Variants in NAALADL2 observed in about 807,000 individuals in gnomAD.
The protein encoded by NAALADL2 is inactive N-acetylated-alpha-linked acidic dipeptidase-like protein 2.
In NAALADL2, 76 loss-of-function variants were observed where a neutral mutation model predicts 87.2. The ratio of observed to expected loss-of-function variants is 0.87; its 90% confidence interval spans 0.72 to 1.05. The LOEUF is 1.05. Ranked by LOEUF, NAALADL2 falls within the 50% of genes least tolerant of loss-of-function variation. The probability of loss-of-function intolerance (pLI) is 0.00; values close to 1 mark genes in which losing one functional copy is unlikely to be tolerated. For synonymous variants in NAALADL2, 354 were observed against 331.0 expected, an observed-to-expected ratio of 1.07 and a Z score of -0.75; for missense variants, 1,089 against 945.8, an observed-to-expected ratio of 1.15 and a Z score of -1.99.
intron 10 of NAALADL2, among the ~76,000 whole-genome samples, chr3:175,626,436 A>C (rs1211056360): frequency 6.6e-6 from 1 of 151,830 alleles, no homozygotes; most frequent in African/African-American, 2.4e-5. Context: ...AGATAATCTT[A>C]ATTTCTAGAA....
intron 2 of NAALADL2, among the ~76,000 whole-genome samples, chr3:174,589,405 A>G (rs1717112049): frequency 6.6e-6 from 1 of 151,986 alleles, no homozygotes; most frequent in Admixed American, 6.5e-5. Context: ...AGTGAGACCA[A>G]CCCGGTACCT....
chr3:175,239,086 T>A (rs1354726958), intron 3 of NAALADL2, among the ~76,000 whole-genome samples: 1 of 152,204 alleles, frequency 6.6e-6, no homozygotes. Flanking sequence ...TTCAAAAACC[T>A]ACTTAGTGCC....
At chr3:175,132,939 CCAGA>C (rs1038490570) in intron 2 of NAALADL2, among the ~76,000 whole-genome samples, 153 of 151,194 alleles carry the variant, frequency 1.0e-3, no homozygotes, top group African/African-American at 3.6e-3. Flanking sequence ...GGGGCGGTTG[CCAGA>C]CAGAGGGTCT....
chr3:175,149,684 G>A (rs1181735575), intron 2 of NAALADL2, among the ~76,000 whole-genome samples: 2 of 152,118 alleles, frequency 1.3e-5, no homozygotes, highest in African/African-American at 4.8e-5. Context: ...AAATTTTAGA[G>A]TTTTTGTTCC....
intron 3 of NAALADL2, among the ~76,000 whole-genome samples, chr3:174,819,491 TGGACTCGAGGTCTGACTTCTCATACAC>T (rs1416781343): frequency 1.6e-4 from 25 of 152,220 alleles, no homozygotes; most frequent in South Asian, 4.2e-4. Flanking sequence ...GAGTCATACA[TGGACTCGAGGTCTGACTTCTCATACAC>T]GGACTCGAGG....
chr3:175,381,182 T>A (rs1355629809), intron 5 of NAALADL2, among the ~76,000 whole-genome samples: 1 of 151,798 alleles, frequency 6.6e-6, no homozygotes, highest in African/African-American at 2.4e-5. Flanking sequence ...ACAGTTATTA[T>A]GGCTGAATAA....
chr3:174,451,953 G>C (rs562382361), intron 1 of NAALADL2, among the ~76,000 whole-genome samples: 3 of 141,796 alleles, frequency 2.1e-5, no homozygotes, highest in Non-Finnish European at 4.5e-5. Context: ...AGAGATTCTC[G>C]TGCCTCAGCC....
At position 175,803,173 on chromosome 3, in the gene NAALADL2, G is replaced by C; in HGVS notation, c.2358G>C (p.Val786=). The C allele has an allele frequency of 6.2e-7, 1 of 1,610,048 alleles. No individual in the cohort carries two copies. The highest frequency in any genetic ancestry group is 8.5e-7 in the Non-Finnish European group (1 of 1,178,008). The change falls in exon 14 of 14, where the codon GTG becomes GTC. Residue 786 remains valine, a synonymous_variant. Transcript: ENST00000454872. ...AQVYFKAGLD[V]FKSVLDGKN is the part of the protein sequence containing the mutation. ...TTTACTTCAAAGCAGGACTTGATGTGTTCAAGAGTGTCTTGGATGGGAAGA... is the reference window on the plus strand; with the variant it reads ...TTTACTTCAAAGCAGGACTTGATGTCTTCAAGAGTGTCTTGGATGGGAAGA...
intron 11 of NAALADL2, among the ~76,000 whole-genome samples, chr3:175,639,423 C>T (rs552622969): frequency 2.2e-4 from 32 of 148,576 alleles, no homozygotes; most frequent in Non-Finnish European, 2.5e-4. Flanking sequence ...CGGGTTCACA[C>T]CATTCTCCTG....
intron 1 of NAALADL2, among the ~76,000 whole-genome samples, chr3:174,961,070 G>A (rs1167449932): frequency 4.7e-5 from 7 of 147,506 alleles, no homozygotes; most frequent in Non-Finnish European, 1.0e-4. Flanking sequence ...TATATCATAT[G>A]TATTATATCA....
intron 1 of NAALADL2, among the ~76,000 whole-genome samples, chr3:175,047,478 A>G (rs545102377): frequency 4.6e-5 from 7 of 152,266 alleles, no homozygotes; most frequent in African/African-American, 1.7e-4. Context: ...CAGATATTAC[A>G]CTAGGGGATT....
chr3:175,291,004 T>C (rs1197000358), intron 4 of NAALADL2, among the ~76,000 whole-genome samples: 1 of 152,188 alleles, frequency 6.6e-6, no homozygotes, highest in African/African-American at 2.4e-5. Context: ...TGATTTATTT[T>C]ATGTATACAT....
At chr3:175,787,928 A>AT (rs1270324970) in intron 13 of NAALADL2, among the ~76,000 whole-genome samples, 1 of 152,112 alleles carries the variant, frequency 6.6e-6, no homozygotes, top group Non-Finnish European at 1.5e-5. Flanking sequence ...TTATAAATAA[A>AT]TTTAGTATAG....
chr3:175,034,482 C>T, intron 1 of NAALADL2, among the ~76,000 whole-genome samples: 1 of 152,090 alleles, frequency 6.6e-6, no homozygotes, highest in South Asian at 2.1e-4. Context: ...CTTGTATAGC[C>T]ACATGGCCAG....
intron 1 of NAALADL2, among the ~76,000 whole-genome samples, chr3:174,485,681 A>T (rs1453454581): frequency 1.3e-5 from 2 of 151,870 alleles, no homozygotes; most frequent in Non-Finnish European, 1.5e-5. Flanking sequence ...ACTACATTTT[A>T]TTTATCCAGT....
chr3:175,633,295 A>G (rs1307072263), intron 11 of NAALADL2, among the ~76,000 whole-genome samples: 1 of 152,026 alleles, frequency 6.6e-6, no homozygotes, highest in Non-Finnish European at 1.5e-5. Flanking sequence ...ACTTTAGTCT[A>G]CTTTTAACAG....
At chr3:175,034,991 C>A (rs1056652459) in intron 1 of NAALADL2, among the ~76,000 whole-genome samples, 1 of 152,086 alleles carries the variant, frequency 6.6e-6, no homozygotes, top group African/African-American at 2.4e-5. Context: ...AGAAGTATTT[C>A]TGGCATATTG....
intron 11 of NAALADL2, among the ~76,000 whole-genome samples, chr3:175,701,260 G>C (rs1042633172): frequency 2.0e-5 from 3 of 152,128 alleles, no homozygotes; most frequent in African/African-American, 7.2e-5. Context: ...GGCTTTTCCT[G>C]GTTGGTCTTG....
intron 6 of NAALADL2, among the ~76,000 whole-genome samples, chr3:175,462,876 A>G (rs779501217): frequency 6.6e-6 from 1 of 152,188 alleles, no homozygotes; most frequent in Non-Finnish European, 1.5e-5. Context: ...AATATATGAA[A>G]ACATGTACAG....
Sources: gnomAD v4.1 joint callset for allele counts (sites outside exome capture counted in the v4.1 genomes callset) on GRCh38, gnomAD v4.1.1 for gene constraint, MANE v1.5 for transcripts, NCBI Gene and HGNC (gene_info 2026-07-23, HGNC 2026-07-21) for gene names.